Variants in VPS50 observed in about 807,000 individuals in gnomAD.
VPS50 encodes VPS50 subunit of EARP/GARPII complex.
A neutral mutation model predicts 139.7 loss-of-function variants in VPS50; 70 were observed. The ratio of observed to expected loss-of-function variants is 0.50; its 90% CI spans 0.41 to 0.61. The LOEUF is 0.61. Ranked by LOEUF, VPS50 falls within the 20% of genes least tolerant of loss-of-function variation. The pLI, the probability that VPS50 is intolerant of heterozygous loss-of-function variation, is 0.00. For synonymous variants in VPS50, 365 were observed against 376.7 expected, an observed-to-expected ratio of 0.97 and a Z score of 0.36; for missense variants, 921 against 1,133.7, an observed-to-expected ratio of 0.81 and a Z score of 2.69.
At chr7:93,345,900 C>G (rs1164856805) in intron 23 of VPS50, among the ~76,000 whole-genome samples, 1 of 152,158 alleles carries the variant, frequency 6.6e-6, no homozygotes, top group Non-Finnish European at 1.5e-5. Context: ...TGGAAGCATT[C>G]CCTTTGAAAA....
rs1301853490 is a variant in VPS50, at chr7:93,276,296, T to C, written c.933T>C (p.Asp311=). ...DTKFQKLQYK[D]LCTHVTPDSY... ...AATTCCAAAAGCTGCAATATAAGGA[T>C]CTCTGTACAGTATGTAGTGACTTAA... Residue 311 remains aspartate, a synonymous_variant, in exon 12 of 28, where the codon GAT becomes GAC. Transcript: ENST00000305866. 2 of 1,612,824 alleles carry C rather than the reference T, an allele frequency of 1.2e-6. No individual in the cohort carries two copies. The highest frequency in any genetic ancestry group is 2.2e-5 in the East Asian group (1 of 44,826).
intron 20 of VPS50, among the ~76,000 whole-genome samples, chr7:93,321,381 C>A (rs202154821): frequency 6.6e-6 from 1 of 152,194 alleles, no homozygotes; most frequent in Admixed American, 6.5e-5. Context: ...TAAGCCTCCT[C>A]AAGCCTCCAA....
chr7:93,355,597 T>A (rs1006381988), intron 26 of VPS50, among the ~76,000 whole-genome samples: 2 of 152,190 alleles, frequency 1.3e-5, no homozygotes, highest in Non-Finnish European at 2.9e-5. Flanking sequence ...TTAACTTTCT[T>A]ACAGACAATT....
chr7:93,324,721 G>C (rs545655669), intron 21 of VPS50, among the ~76,000 whole-genome samples: 31 of 152,126 alleles, frequency 2.0e-4, no homozygotes, highest in African/African-American at 6.7e-4. Flanking sequence ...AAATACCTAG[G>C]AATCCAACTT....
chr7:93,327,988 A>G (rs1390456952), intron 21 of VPS50, among the ~76,000 whole-genome samples: 1 of 152,178 alleles, frequency 6.6e-6, no homozygotes, highest in African/African-American at 2.4e-5. Context: ...TCTAGAAATC[A>G]TTGGTTGGGG....
chr7:93,258,122 TA>T (rs1296806788), intron 6 of VPS50, 36 bp from the exon 7 acceptor site: 3 of 832,478 alleles, frequency 3.6e-6, no homozygotes, highest in South Asian at 1.5e-5. Context: ...CTTATTATAA[TA>T]AAAAACTTTT....
In VPS50 at chr7:93,276,215, C is replaced by T. The variant is rs375006121; in HGVS notation, c.852C>T (p.Thr284=). 1.6e-5 allele frequency: 26 copies of T among 1,613,286 alleles called. No individual in the cohort carries two copies. The highest frequency in any genetic ancestry group is 2.7e-5 in the African/African-American group (2 of 74,832). Residue 284 remains threonine (T), a synonymous_variant, in exon 12 of 28, where the codon ACC becomes ACT. Coordinates refer to ENST00000305866, the MANE Select transcript of VPS50 (RefSeq NM_017667.4). The part of the protein sequence containing the change: ...HMHFTQAIHN[T]VFQVVLGYVE... ...ACTTCACCCAAGCCATTCACAACAC[C>T]GTGTTTCAAGTTGTTCTTGGTTATG...
intron 12 of VPS50, among the ~76,000 whole-genome samples, chr7:93,280,874 C>G (rs1220974850): frequency 6.6e-6 from 1 of 151,630 alleles, no homozygotes; most frequent in South Asian, 2.1e-4. Flanking sequence ...AAAATATATG[C>G]TATGTAAAAA....
chr7:93,266,242 G>C (rs1795840822), intron 9 of VPS50, among the ~76,000 whole-genome samples: 1 of 152,168 alleles, frequency 6.6e-6, no homozygotes. Context: ...TTGGGCAATT[G>C]AGTAACTCGT....
intron 22 of VPS50, among the ~76,000 whole-genome samples, chr7:93,339,485 A>T (rs1376710084): frequency 2.0e-5 from 3 of 152,220 alleles, no homozygotes; most frequent in Non-Finnish European, 2.9e-5. Flanking sequence ...GAGATTTGTT[A>T]CTATCAAGTT....
chr7:93,357,791 CGTA>C (rs1307283954), intron 27 of VPS50, among the ~76,000 whole-genome samples: 1 of 152,044 alleles, frequency 6.6e-6, no homozygotes, highest in Non-Finnish European at 1.5e-5. Flanking sequence ...GAAAGATACT[CGTA>C]GTCTTAATTT....
At chr7:93,356,709 G>GGTAT (rs1798717660) in intron 27 of VPS50, among the ~76,000 whole-genome samples, 1 of 152,108 alleles carries the variant, frequency 6.6e-6, no homozygotes, top group South Asian at 2.1e-4. Context: ...CAGTGAGCTT[G>GGTAT]GTATGGGAAG....
At chr7:93,260,805 C>T (rs1191211520) in intron 9 of VPS50, among the ~76,000 whole-genome samples, 3 of 152,132 alleles carry the variant, frequency 2.0e-5, no homozygotes, top group African/African-American at 7.2e-5. Context: ...AAGCGATTCT[C>T]CTGCCTCATT....
chr7:93,334,068 T>G lies in VPS50; in HGVS notation c.1978-49T>G, dbSNP rs763408233. The G allele has an allele frequency of 1.7e-4, 169 of 1,011,726 alleles. No individual in the cohort carries two copies. In the East Asian group the frequency reaches 4.0e-3, roughly 24 times the overall value. The allele number at this position is 1,011,726 out of a possible 1,614,324, so 62.7% of individuals were successfully genotyped here. On this transcript the variant is annotated intron_variant, in intron 21 of 27. Coordinates refer to ENST00000305866, the MANE Select transcript of VPS50 (RefSeq NM_017667.4). ...TCTTGGTTAATTTGAAGATGTAACA[T>G]TTGCAAGATGATCTTTAGAACGATA...
chr7:93,284,593 G>A (rs1796427761), intron 12 of VPS50, among the ~76,000 whole-genome samples: 1 of 152,190 alleles, frequency 6.6e-6, no homozygotes, highest in Non-Finnish European at 1.5e-5. Flanking sequence ...ATGAGAATGA[G>A]TGTTTTTCTC....
chr7:93,301,456 G>T (rs1476253260), intron 16 of VPS50, among the ~76,000 whole-genome samples: 2 of 152,014 alleles, frequency 1.3e-5, no homozygotes, highest in Non-Finnish European at 2.9e-5. Context: ...TTTTGGTGTT[G>T]TCATATACTT....
At chr7:93,289,975 T>C (rs1796603078) in intron 12 of VPS50, among the ~76,000 whole-genome samples, 1 of 151,842 alleles carries the variant, frequency 6.6e-6, no homozygotes, top group Admixed American at 6.6e-5. Flanking sequence ...CTCTTGGGAG[T>C]GTTTCATGGT....
At position 93,360,655 on chromosome 7, in the gene VPS50, C is replaced by T. The variant is rs1018123945; in HGVS notation, c.*2219C>T. Reference sequence around the variant, plus strand: ...ATACGTGTTCCAAAAACTATCATTACCAAAAATTTATTATTTTTGAGTCTA... The same window carrying T: ...ATACGTGTTCCAAAAACTATCATTATCAAAAATTTATTATTTTTGAGTCTA... On this transcript the variant is annotated 3_prime_UTR_variant, in exon 28 of 28. Coordinates refer to ENST00000305866, the MANE Select transcript of VPS50 (RefSeq NM_017667.4). The T allele has an allele frequency of 7.2e-5, 11 of 152,022 alleles. No homozygotes were observed. Among genetic ancestry groups the T allele is most frequent in the African/African-American group, 2.7e-4 (11 of 41,500 alleles). 9.4% of individuals were successfully genotyped at this position (152,022 alleles called of 1,614,324 possible).
chr7:93,291,753 A>G lies in VPS50; in HGVS notation c.993A>G (p.Ala331=). The G allele has an allele frequency of 6.2e-7, 1 of 1,601,994 alleles. No individual in the cohort carries two copies. Among genetic ancestry groups the G allele is most frequent in the Non-Finnish European group, 8.5e-7 (1 of 1,170,514 alleles). ...CATGCCTTGCAGACCTGTGCAAAGC[A>G]CTATGGGAAGTTATGCTCAGCTATT... The part of the protein sequence containing the change: ...YIPCLADLCK[A]LWEVMLSYYR... The change falls in exon 13 of 28, where the codon GCA becomes GCG. Residue 331 remains alanine, a synonymous_variant. Coordinates refer to ENST00000305866, the MANE Select transcript of VPS50 (RefSeq NM_017667.4).
Sources: allele counts gnomAD v4.1 joint callset (sites outside exome capture counted in the v4.1 genomes callset), GRCh38; gene constraint gnomAD v4.1.1; transcripts MANE v1.5; gene names NCBI Gene and HGNC (gene_info 2026-07-23, HGNC 2026-07-21).